The following DCLK1 variants were observed in gnomAD, a reference collection of about 807,000 sequenced individuals.
The protein encoded by DCLK1 is doublecortin like kinase 1, also known as serine/threonine-protein kinase DCLK1.
DCLK1 carries 16 observed loss-of-function variants against 86.2 expected under a neutral mutation model. That is an observed-to-expected ratio of 0.19 (90% CI 0.13 to 0.28). DCLK1 has a LOEUF of 0.28. DCLK1 is among the 10% of genes least tolerant of loss of function. The probability of loss-of-function intolerance (pLI) is 1.00; values close to 1 mark genes in which losing one functional copy is unlikely to be tolerated. For missense variants in DCLK1, 590 were observed against 940.2 expected (o/e 0.63, Z 4.87); for synonymous variants, 369 against 370.5 (o/e 1.00, Z 0.05).
intron 16 of DCLK1, among the ~76,000 whole-genome samples, chr13:35,782,651 A>C (rs551989122): frequency 2.5e-4 from 38 of 152,306 alleles, no homozygotes; most frequent in Non-Finnish European, 5.0e-4. Context: ...AAAATCAGTG[A>C]AAAAATGGTC....
chr13:35,998,667 C>T (rs1880580719), intron 3 of DCLK1, among the ~76,000 whole-genome samples: 1 of 151,946 alleles, frequency 6.6e-6, no homozygotes, highest in Admixed American at 6.5e-5. Context: ...ATGCGCACTG[C>T]AGACTTTCAA....
At chr13:35,813,784 A>G (rs2087205263) in intron 11 of DCLK1, among the ~76,000 whole-genome samples, 1 of 147,778 alleles carries the variant, frequency 6.8e-6, no homozygotes, top group Non-Finnish European at 1.5e-5. Flanking sequence ...TTTTGTGAAC[A>G]TAAAGAGGTT....
intron 4 of DCLK1, among the ~76,000 whole-genome samples, chr13:35,922,374 C>A: frequency 6.6e-6 from 1 of 152,138 alleles, no homozygotes; most frequent in East Asian, 1.9e-4. Context: ...CACATATCAC[C>A]CATGCCCTGC....
intron 4 of DCLK1, among the ~76,000 whole-genome samples, chr13:35,917,587 A>C (rs1875495394): frequency 6.6e-6 from 1 of 152,206 alleles, no homozygotes; most frequent in Non-Finnish European, 1.5e-5. Flanking sequence ...AAGCATGCCA[A>C]GCCTTGTGTG....
At chr13:35,959,470 T>G (rs568802006) in intron 3 of DCLK1, among the ~76,000 whole-genome samples, 1 of 152,284 alleles carries the variant, frequency 6.6e-6, no homozygotes, top group East Asian at 1.9e-4. Flanking sequence ...ATGGGGCAGC[T>G]CAACACTTGT....
At chr13:36,088,730 A>G (rs1462702475) in intron 3 of DCLK1, among the ~76,000 whole-genome samples, 1 of 152,202 alleles carries the variant, frequency 6.6e-6, no homozygotes, top group Admixed American at 6.5e-5. Context: ...GAACCTTAAC[A>G]TTAGTGGTAG....
At chr13:36,084,585 A>G (rs1445122910) in intron 3 of DCLK1, among the ~76,000 whole-genome samples, 2 of 152,218 alleles carry the variant, frequency 1.3e-5, no homozygotes, top group Non-Finnish European at 2.9e-5. Context: ...ATTCTATTTC[A>G]AGATTTGTCC....
At chr13:35,867,240 A>G (rs1040043728) in intron 5 of DCLK1, among the ~76,000 whole-genome samples, 13 of 152,238 alleles carry the variant, frequency 8.5e-5, no homozygotes, top group Non-Finnish European at 1.9e-4. Flanking sequence ...ATTGCATGTT[A>G]TCTCTTCCAG....
chr13:35,917,471 G>T (rs1875486293), intron 4 of DCLK1, among the ~76,000 whole-genome samples: 1 of 152,110 alleles, frequency 6.6e-6, no homozygotes, highest in Admixed American at 6.5e-5. Context: ...GCTCTCCAAA[G>T]GTGGGAGCTT....
chr13:36,070,833 G>T (rs1036951223), intron 3 of DCLK1, among the ~76,000 whole-genome samples: 1 of 152,084 alleles, frequency 6.6e-6, no homozygotes, highest in Non-Finnish European at 1.5e-5. Flanking sequence ...AGTAGAAACG[G>T]GGTTTCACTA....
At chr13:35,811,293 A>T (rs1338488861) in intron 11 of DCLK1, among the ~76,000 whole-genome samples, 2 of 152,078 alleles carry the variant, frequency 1.3e-5, no homozygotes, top group Admixed American at 1.3e-4. Context: ...AGCAATTTTC[A>T]GATTGGTTTT....
intron 4 of DCLK1, among the ~76,000 whole-genome samples, chr13:35,934,479 A>G (rs909448326): frequency 7.2e-5 from 11 of 152,196 alleles, no homozygotes; most frequent in African/African-American, 2.2e-4. Context: ...GGAGCAAGTA[A>G]TGTCTTACAT....
At chr13:35,788,948 A>C (rs1566532411) in intron 16 of DCLK1, among the ~76,000 whole-genome samples, 1 of 152,228 alleles carries the variant, frequency 6.6e-6, no homozygotes, top group Non-Finnish European at 1.5e-5. Flanking sequence ...AAGTGAAATA[A>C]AACAAAAAAT....
At chr13:35,978,579 A>G (rs1294095509) in intron 3 of DCLK1, among the ~76,000 whole-genome samples, 1 of 152,118 alleles carries the variant, frequency 6.6e-6, no homozygotes, top group Non-Finnish European at 1.5e-5. Flanking sequence ...CTCACTCAAT[A>G]CTAGATTACA....
At chr13:35,825,345 C>T (rs2087494511) in intron 10 of DCLK1, among the ~76,000 whole-genome samples, 1 of 152,158 alleles carries the variant, frequency 6.6e-6, no homozygotes, top group African/African-American at 2.4e-5. Context: ...AGGGTATGGT[C>T]TTGCAGCACA....
chr13:35,925,596 T>C (rs929072192), intron 4 of DCLK1, among the ~76,000 whole-genome samples: 1 of 152,230 alleles, frequency 6.6e-6, no homozygotes, highest in African/African-American at 2.4e-5. Context: ...AAAAGTCTTA[T>C]TCCATTTTAA....
At chr13:35,929,115 G>A (rs1009503283) in intron 4 of DCLK1, among the ~76,000 whole-genome samples, 1 of 152,150 alleles carries the variant, frequency 6.6e-6, no homozygotes, top group Non-Finnish European at 1.5e-5. Context: ...ATTTTTAGTA[G>A]AGATGGGGTT....
chr13:36,042,413 T>C (rs1049791741), intron 3 of DCLK1, among the ~76,000 whole-genome samples: 1 of 152,146 alleles, frequency 6.6e-6, no homozygotes, highest in East Asian at 1.9e-4. Context: ...CACCTAAATT[T>C]AGACAGTCAA....
At chr13:36,106,530 G>T (rs570770164) in intron 3 of DCLK1, among the ~76,000 whole-genome samples, 2 of 151,984 alleles carry the variant, frequency 1.3e-5, no homozygotes, top group Non-Finnish European at 1.5e-5. Flanking sequence ...TACTCCAATC[G>T]CAAACAAAAC....
Sources: gnomAD v4.1 joint callset for allele counts (sites outside exome capture counted in the v4.1 genomes callset) on GRCh38, gnomAD v4.1.1 for gene constraint, MANE v1.5 for transcripts, NCBI Gene and HGNC (gene_info 2026-07-23, HGNC 2026-07-21) for gene names.